CDC14B: variants seen among roughly 807,000 people sequenced by gnomAD.
The protein encoded by CDC14B is dual specificity protein phosphatase CDC14B.
Under a neutral mutation model 64.2 loss-of-function variants are expected in CDC14B, and 22 were observed. That is an observed-to-expected ratio of 0.34 (90% confidence interval 0.24 to 0.49). The LOEUF (loss-of-function observed/expected upper bound fraction) is 0.49, where lower values mean the gene tolerates loss of function less well. Among genes scored for constraint, CDC14B ranks in the 20% least tolerant of loss-of-function variants. The probability of loss-of-function intolerance (pLI) is 0.99; values close to 1 mark genes in which losing one functional copy is unlikely to be tolerated. For missense variants in CDC14B, 498 were observed against 629.9 expected (o/e 0.79, Z 2.24); for synonymous variants, 191 against 215.8 (o/e 0.89, Z 1.01).
chr9:96,610,554 A>G (rs1339242740), intron 1 of CDC14B, among the ~76,000 whole-genome samples: 1 of 152,162 alleles, frequency 6.6e-6, no homozygotes. Context: ...TTCCCAAGTT[A>G]GCATTTCATG....
At chr9:96,546,392 T>C (rs780861239) in intron 5 of CDC14B, among the ~76,000 whole-genome samples, 4 of 150,802 alleles carry the variant, frequency 2.7e-5, no homozygotes, top group Non-Finnish European at 5.9e-5. Context: ...CTGGGGGTGA[T>C]GACTGACTGG....
At chr9:96,491,728 C>T (rs1564173155) in exon 14 of CDC14B, 2 of 152,320 alleles carry the variant, frequency 1.3e-5, no homozygotes, top group African/African-American at 4.8e-5. Context: ...GAAAAGCCCA[C>T]AGCACTTGGT....
intron 12 of CDC14B, among the ~76,000 whole-genome samples, chr9:96,513,263 C>T (rs1025557786): frequency 2.0e-5 from 3 of 152,180 alleles, no homozygotes; most frequent in African/African-American, 4.8e-5. Context: ...ACTGACAACA[C>T]GGTATTTATC....
chr9:96,495,002 T>C (rs897998537), intron 13 of CDC14B, among the ~76,000 whole-genome samples: 5 of 151,396 alleles, frequency 3.3e-5, no homozygotes, highest in Admixed American at 1.3e-4. Context: ...GCCCGGCTAA[T>C]TTTTTGTATT....
rs1554780545 is a variant in CDC14B, at chr9:96,604,342, T to TTTTTTA, written c.160+14876_160+14877insTAAAAA. 6.1e-3 allele frequency among the ~76,000 whole-genome samples: 808 copies of TTTTTTA among 131,840 alleles called. 2 individuals carry two copies. The highest frequency in any genetic ancestry group is 8.6e-3 in the Non-Finnish European group (549 of 63,844). 86.5% of individuals were successfully genotyped at this position (131,840 alleles called of 152,430 possible). A position where few individuals can be genotyped will look rare whatever the true frequency, so the allele number is the denominator to read the frequency against. ...TTGAAAAGGCCTCGTGAAGCTTGCA[T>TTTTTTA]TTATTATTATTATTATTATTATTAT... On this transcript the variant is annotated intron_variant, in intron 1 of 13. Coordinates refer to ENST00000375241, the MANE Select transcript of CDC14B (RefSeq NM_033331.4).
chr9:96,543,105 G>A (rs1309451005), intron 5 of CDC14B, among the ~76,000 whole-genome samples: 2 of 152,144 alleles, frequency 1.3e-5, no homozygotes, highest in South Asian at 2.1e-4. Flanking sequence ...GCGAGGCCGA[G>A]GCAAGTGGAT....
chr9:96,609,421 T>C (rs1847172413), intron 1 of CDC14B, among the ~76,000 whole-genome samples: 1 of 152,224 alleles, frequency 6.6e-6, no homozygotes, highest in Admixed American at 6.5e-5. Flanking sequence ...GAGTGTATTC[T>C]TTCTCAGTCT....
chr9:96,549,649 G>T (rs1188056568), intron 5 of CDC14B, among the ~76,000 whole-genome samples: 1 of 150,676 alleles, frequency 6.6e-6, no homozygotes, highest in Non-Finnish European at 1.5e-5. Flanking sequence ...TAGCGACAGA[G>T]CAAGACTCCG....
intron 1 of CDC14B, among the ~76,000 whole-genome samples, chr9:96,613,088 CA>C (rs1847418281): frequency 6.6e-6 from 1 of 152,166 alleles, no homozygotes; most frequent in South Asian, 2.1e-4. Context: ...CAGTAAAAGT[CA>C]GGTAGTCATG....
At position 96,515,604 on chromosome 9, in the gene CDC14B, G is replaced by A; in HGVS notation, c.1344-5815C>T. 13 of 1,502,464 alleles carry A rather than the reference G, an allele frequency of 8.7e-6. No individual in the cohort carries two copies. Among genetic ancestry groups the A allele is most frequent in the African/African-American group, 1.4e-5 (1 of 71,894 alleles). The allele number at this position is 1,502,464 out of a possible 1,614,324, so 93.1% of individuals were successfully genotyped here. On this transcript the variant is annotated intron_variant, in intron 12 of 13. Coordinates refer to ENST00000375241, the MANE Select transcript of CDC14B (RefSeq NM_033331.4). The surrounding 1 kb of genome is among the most constrained non-coding windows in gnomAD (Gnocchi z 4.3). ...ACATGCATTGTGGGAACCACACTAG[G>A]CACCAGAAGTAAGCAACGGCAGAGA...
At chr9:96,536,925 G>A (rs1213825647) in intron 7 of CDC14B, among the ~76,000 whole-genome samples, 1 of 152,134 alleles carries the variant, frequency 6.6e-6, no homozygotes, top group African/African-American at 2.4e-5. Flanking sequence ...TATATACTAT[G>A]TTAAAAAACA....
Position 96,501,351 on chromosome 9 carries a change from GA to G in CDC14B, c.*2401del, listed in dbSNP as rs1833546677. On this transcript the variant is annotated 3_prime_UTR_variant, in exon 14 of 14. Transcript: ENST00000375241. ...TTAGGTTAAGGGGATCTCTCCATCT[GA>G]CACACAGTTTCATGTTCCATAGCAA... The G allele has an allele frequency of 6.6e-6, 1 of 152,030 alleles. No individual in the cohort carries two copies. Among genetic ancestry groups the G allele is most frequent in the South Asian group, 2.1e-4 (1 of 4,802 alleles). 9.4% of individuals were successfully genotyped at this position (152,030 alleles called of 1,614,324 possible).
At chr9:96,618,401 A>G in intron 1 of CDC14B, 1 of 490,520 alleles carries the variant, frequency 2.0e-6, no homozygotes, top group South Asian at 1.6e-5. Context: ...TGTCAATCCC[A>G]GCAAACCTAA....
intron 7 of CDC14B, among the ~76,000 whole-genome samples, 185 bp from the exon 8 acceptor site, chr9:96,534,727 T>A (rs545576692): frequency 6.6e-6 from 1 of 152,358 alleles, no homozygotes; most frequent in African/African-American, 2.4e-5. Flanking sequence ...TGGACGTATA[T>A]CCTGTTCCTA....
rs1358252140 is a variant in CDC14B, at chr9:96,515,035, T to A, written c.1344-5246A>T. ...GCGACCTCAGCTCCGACCTCCTACTTTCATTTAGCATCAAGTGCTACACAC... is the reference window on the plus strand; with the variant it reads ...GCGACCTCAGCTCCGACCTCCTACTATCATTTAGCATCAAGTGCTACACAC... On this transcript the variant is annotated intron_variant, in intron 12 of 13. Coordinates refer to ENST00000375241, the MANE Select transcript of CDC14B (RefSeq NM_033331.4). This position sits in a 1 kb window ranked among gnomAD's most constrained non-coding sequence, Gnocchi z 4.3. 2.2e-6 allele frequency: 1 copy of A among 450,768 alleles called. No homozygotes were observed. The highest frequency in any genetic ancestry group is 6.4e-5 in the Admixed American group (1 of 15,652). The allele number at this position is 450,768 out of a possible 1,614,324, so 27.9% of individuals were successfully genotyped here. A position where few individuals can be genotyped will look rare whatever the true frequency, so the allele number is the denominator to read the frequency against.
At chr9:96,506,260 A>G (rs1834116184) in intron 13 of CDC14B, among the ~76,000 whole-genome samples, 1 of 152,122 alleles carries the variant, frequency 6.6e-6, no homozygotes, top group Non-Finnish European at 1.5e-5. Context: ...AGCTCATACT[A>G]TTTTGTCCAG....
intron 1 of CDC14B, among the ~76,000 whole-genome samples, chr9:96,577,143 C>T (rs78854323): frequency 0.048 from 7,224 of 151,374 alleles, 587 homozygotes; most frequent in African/African-American, 0.17. Flanking sequence ...CCCGGTTTCT[C>T]GGGAGTCTGA....
chr9:96,523,700 C>T lies in CDC14B; in HGVS notation c.972G>A (p.Leu324=). 1 of 1,613,884 alleles carries T rather than the reference C, an allele frequency of 6.2e-7. No homozygotes were observed. Among genetic ancestry groups the T allele is most frequent in the Non-Finnish European group, 8.5e-7 (1 of 1,179,812 alleles). The change falls in exon 10 of 14, where the codon CTG becomes CTA. Residue 324 remains leucine, a synonymous_variant. Coordinates refer to ENST00000375241, the MANE Select transcript of CDC14B (RefSeq NM_033331.4). Reference sequence around the variant, plus strand: ...AATGCTTCATGATGTAGCAGGCTATCAGAGTGCCCGTGCGACCAAGGCCAG... The same window carrying T: ...AATGCTTCATGATGTAGCAGGCTATTAGAGTGCCCGTGCGACCAAGGCCAG... The part of the protein sequence containing the change: ...CKAGLGRTGT[L]IACYIMKHYR...
intron 1 of CDC14B, among the ~76,000 whole-genome samples, chr9:96,579,277 A>T (rs1844993628): frequency 6.6e-6 from 1 of 152,060 alleles, no homozygotes; most frequent in African/African-American, 2.4e-5. Flanking sequence ...TACAGGTGGG[A>T]CTGATATCCT....
Sources: gnomAD v4.1 joint callset for allele counts (sites outside exome capture counted in the v4.1 genomes callset) on GRCh38, gnomAD v4.1.1 for gene constraint, Gnocchi (gnomAD v3.1) non-coding constraint, MANE v1.5 for transcripts, NCBI Gene and HGNC (gene_info 2026-07-23, HGNC 2026-07-21) for gene names.